Variants in NT5C3A observed in about 807,000 individuals in gnomAD.
NT5C3A encodes 5'-nucleotidase, cytosolic IIIA.
In NT5C3A, 23 loss-of-function variants were observed where a neutral mutation model predicts 40.0. That is an observed-to-expected ratio of 0.58 (90% CI 0.41 to 0.81). The LOEUF is 0.81. NT5C3A is among the 40% of genes least tolerant of loss of function. The pLI is 0.00. For missense variants in NT5C3A, 328 were observed against 403.0 expected (o/e 0.81, Z 1.59); for synonymous variants, 130 against 141.4 (o/e 0.92, Z 0.57).
chr7:33,056,055 A>T (rs1787555760), intron 1 of NT5C3A, among the ~76,000 whole-genome samples: 1 of 152,176 alleles, frequency 6.6e-6, no homozygotes, highest in Non-Finnish European at 1.5e-5. Context: ...GGCTACAGTG[A>T]GCTATCATCA....
At chr7:33,021,986 G>T in intron 4 of NT5C3A, 67 bp downstream of exon 4, 1 of 910,188 alleles carries the variant, frequency 1.1e-6, no homozygotes, top group Non-Finnish European at 1.8e-6. Context: ...GAATGCACCT[G>T]AAGAAATTCT....
intron 2 of NT5C3A, 117 bp from the exon 3 acceptor site, chr7:33,024,225 C>T: frequency 1.4e-6 from 1 of 702,894 alleles, no homozygotes; most frequent in Non-Finnish European, 2.6e-6. Flanking sequence ...GTGCTCAAGT[C>T]TCTGGTCCAC....
intron 1 of NT5C3A, among the ~76,000 whole-genome samples, chr7:33,027,769 A>G (rs1460683728): frequency 1.3e-5 from 2 of 152,186 alleles, no homozygotes. Flanking sequence ...TTAAGCCTCC[A>G]TTTTATATAA....
At chr7:33,044,723 CT>C (rs559499899) in intron 1 of NT5C3A, among the ~76,000 whole-genome samples, 4 of 152,058 alleles carry the variant, frequency 2.6e-5, no homozygotes, top group Non-Finnish European at 5.9e-5. Context: ...TAGTTAAGAG[CT>C]TTTTAGATAG....
At position 33,042,194 on chromosome 7, in the gene NT5C3A, C is replaced by T. The variant is rs543381632; in HGVS notation, c.139-15279G>A. Among the ~76,000 whole-genome samples, 41 of 152,018 alleles carry T rather than the reference C, an allele frequency of 2.7e-4. 1 individual carries two copies. In the South Asian group the frequency reaches 5.2e-3, roughly 19 times the overall value. ...TCTACCAAAAATACAAAAAATTAGC[C>T]GGGCCTGGTGGCAGGCACCTGTAAT... On this transcript the variant is annotated intron_variant, in intron 1 of 8. Transcript: ENST00000610140.
intron 6 of NT5C3A, among the ~76,000 whole-genome samples, chr7:33,018,283 G>A (rs1287866472): frequency 6.6e-6 from 1 of 152,178 alleles, no homozygotes; most frequent in Non-Finnish European, 1.5e-5. Context: ...CAGAGTGGCA[G>A]GAACTTAGAT....
At chr7:33,015,981 C>T (rs1785302055) in intron 7 of NT5C3A, 111 bp from the exon 8 acceptor site, 6 of 756,710 alleles carry the variant, frequency 7.9e-6, no homozygotes, top group South Asian at 4.6e-5. Context: ...TTTGTAAATA[C>T]ATCTTTGATA....
In NT5C3A at chr7:33,026,353, GA is replaced by G. The variant is rs1226260693; in HGVS notation, c.237+463del. On this transcript the variant is annotated intron_variant, in intron 2 of 8. Transcript: ENST00000610140. ...AACAGAGCGAGACTCCATCTCAAAA[GA>G]AAAAAAAAAAAAAAAAAAAGAAGCC... 1.2e-3 allele frequency among the ~76,000 whole-genome samples: 112 copies of G among 94,174 alleles called. 1 individual carries two copies. Among genetic ancestry groups the G allele is most frequent in the Admixed American group, 2.6e-3 (17 of 6,526 alleles). The allele number at this position is 94,174 out of a possible 152,430, so 61.8% of individuals were successfully genotyped here. A position where few individuals can be genotyped will look rare whatever the true frequency, so the allele number is the denominator to read the frequency against.
At chr7:33,029,134 A>G (rs1353938334) in intron 1 of NT5C3A, 3 of 152,462 alleles carry the variant, frequency 2.0e-5, no homozygotes, top group Non-Finnish European at 1.5e-5. Flanking sequence ...ACTAACCTTG[A>G]TGTAGTAATC....
Position 33,019,719 on chromosome 7 carries a change from G to A in NT5C3A, c.446C>T (p.Thr149Ile). 6.3e-7 allele frequency: 1 copy of A among 1,581,584 alleles called. No individual in the cohort carries two copies. Among genetic ancestry groups the A allele is most frequent in the Non-Finnish European group, 8.7e-7 (1 of 1,152,880 alleles). ...CTGAACAAGCAAACCATGTGATTTA[G>A]TATACCTGGAGTTTATGACCAAAGG... is the stretch of plus-strand genomic sequence containing the variant. Reference protein sequence around the residue: ...EKYPYMVEWYTKSHGLLVQQA... With the variant: ...EKYPYMVEWYIKSHGLLVQQA... Residue 149 changes from threonine to isoleucine, a missense_variant, in exon 6 of 9, where the codon ACT (threonine) becomes ATT (isoleucine). Physicochemically the swap from Thr to Ile is moderately conservative, Grantham distance 89. This residue lies in a region of NT5C3A where 280 missense variants were observed against 317.2 expected (regional missense o/e 0.88). Transcript: ENST00000610140.
chr7:33,039,809 G>A (rs1442404061), intron 1 of NT5C3A, among the ~76,000 whole-genome samples: 1 of 151,706 alleles, frequency 6.6e-6, no homozygotes, highest in Non-Finnish European at 1.5e-5. Flanking sequence ...AAGAGATATA[G>A]GAGGAAAGAG....
chr7:33,031,744 T>C (rs1786272174), intron 1 of NT5C3A, among the ~76,000 whole-genome samples: 1 of 152,160 alleles, frequency 6.6e-6, no homozygotes, highest in Non-Finnish European at 1.5e-5. Flanking sequence ...AATTCATATT[T>C]TAACCAAGAC....
chr7:33,046,838 C>A lies in NT5C3A; in HGVS notation c.138+15730G>T, dbSNP rs189134478. 5.6e-4 allele frequency among the ~76,000 whole-genome samples: 83 copies of A among 148,380 alleles called. 2 individuals are homozygous for A. In the East Asian group the frequency reaches 0.015, roughly 27 times the overall value. On this transcript the variant is annotated intron_variant, in intron 1 of 8. Coordinates refer to ENST00000610140, the MANE Select transcript of NT5C3A (RefSeq NM_001002010.5). The stretch of plus-strand genomic sequence containing the variant: ...TTTTTTTTGGAGATGGAGTCTCATT[C>A]TGTCGCCCAAGCTGGAGTGCAGTGG...
At chr7:33,017,352 G>A (rs1327103508) in intron 7 of NT5C3A, 87 bp downstream of exon 7, 6 of 1,068,248 alleles carry the variant, frequency 5.6e-6, no homozygotes, top group Non-Finnish European at 8.3e-6. Context: ...CTGGATATAG[G>A]ATATATATTA....
At chr7:33,053,594 G>A (rs1001862981) in intron 1 of NT5C3A, among the ~76,000 whole-genome samples, 1 of 151,938 alleles carries the variant, frequency 6.6e-6, no homozygotes, top group Admixed American at 6.6e-5. Flanking sequence ...CCAGGAGGTC[G>A]AGGTTGCAAT....
intron 1 of NT5C3A, chr7:33,036,281 G>GTGTTT: frequency 2.5e-6 from 1 of 403,054 alleles, no homozygotes; most frequent in Non-Finnish European, 4.7e-6. Flanking sequence ...TATTGAGGCC[G>GTGTTT]TGTTTCCAGA....
chr7:33,015,333 C>T (rs1456929649), intron 8 of NT5C3A, among the ~76,000 whole-genome samples: 3 of 152,140 alleles, frequency 2.0e-5, no homozygotes, highest in African/African-American at 7.2e-5. Context: ...TTTGAGAGGC[C>T]TGGAGAATCA....
chr7:33,037,009 A>C lies in NT5C3A; in HGVS notation c.139-10094T>G, dbSNP rs1786643248. Among the ~76,000 whole-genome samples the C allele has an allele frequency of 2.0e-5, 3 of 151,992 alleles. No individual in the cohort carries two copies. In the South Asian group the frequency reaches 6.2e-4, roughly 32 times the overall value. On this transcript the variant is annotated intron_variant, in intron 1 of 8. Coordinates refer to ENST00000610140, the MANE Select transcript of NT5C3A (RefSeq NM_001002010.5). ...GTATTTTTAGTAGAGATGGGGTTTC[A>C]CCATGTTGGCCAGGATGGCCTCGAT... is the stretch of plus-strand genomic sequence containing the variant.
chr7:33,026,879 T>C lies in NT5C3A; in HGVS notation c.175A>G (p.Asn59Asp). 6.2e-7 allele frequency: 1 copy of C among 1,612,986 alleles called. No individual in the cohort carries two copies. Among genetic ancestry groups the C allele is most frequent in the Non-Finnish European group, 8.5e-7 (1 of 1,179,744 alleles). The change falls in exon 2 of 9, where the codon AAC becomes GAC. Residue 59 changes from asparagine to aspartate, a missense_variant. Asn to Asp is a conservative substitution (Grantham distance 23). Around this residue, in one of 3 missense-constraint regions of NT5C3A, gnomAD observed 280 missense variants for 317.2 expected, o/e 0.88. Transcript: ENST00000610140. ...ATAATTTCTTCTACTCTTGTAGGGT[T>C]CTTGATTCGAACTGAACTTTTCTGG... is the stretch of plus-strand genomic sequence containing the variant. ...EFQKSSVRIK[N>D]PTRVEEIICG... is the part of the protein sequence containing the mutation.
Sources: allele counts gnomAD v4.1 joint callset (sites outside exome capture counted in the v4.1 genomes callset), GRCh38; gene constraint gnomAD v4.1.1; regional missense constraint gnomAD v4.1.1; transcripts MANE v1.5; gene names NCBI Gene and HGNC (gene_info 2026-07-23, HGNC 2026-07-21).